The following GASK1A variants were observed in gnomAD, a reference collection of about 807,000 sequenced individuals.
The protein encoded by GASK1A is golgi associated kinase 1A, also known as Golgi-associated kinase 1A.
A neutral mutation model predicts 41.2 loss-of-function variants in GASK1A; 40 were observed. The ratio of observed to expected loss-of-function variants is 0.97; its 90% confidence interval spans 0.75 to 1.27. The LOEUF (loss-of-function observed/expected upper bound fraction) is 1.27, where lower values mean the gene tolerates loss of function less well. Among genes scored for constraint, GASK1A ranks in the 50% most tolerant of loss-of-function variants. The probability of loss-of-function intolerance (pLI) is 0.00; values close to 1 mark genes in which losing one functional copy is unlikely to be tolerated. For missense variants in GASK1A, 678 were observed against 745.1 expected (o/e 0.91, Z 1.05); for synonymous variants, 316 against 307.1 (o/e 1.03, Z -0.30).
intron 1 of GASK1A, among the ~76,000 whole-genome samples, chr3:42,990,781 T>C (rs1002823951): frequency 2.0e-5 from 3 of 152,210 alleles, no homozygotes; most frequent in African/African-American, 7.2e-5. Flanking sequence ...AGGCCAGGTG[T>C]GTTGCTCTGT....
chr3:43,019,757 A>AAC (rs148054172), intron 1 of GASK1A, among the ~76,000 whole-genome samples: 17,596 of 146,502 alleles, frequency 0.12, 1,029 homozygotes, highest in African/African-American at 0.14. Context: ...TTCCGTTTTT[A>AAC]ACACACACAC....
At chr3:42,983,581 C>T (rs899468949) in intron 1 of GASK1A, among the ~76,000 whole-genome samples, 6 of 152,166 alleles carry the variant, frequency 3.9e-5, no homozygotes, top group African/African-American at 7.2e-5. Flanking sequence ...CCCAAACAGC[C>T]GCAGGTCCTT....
At chr3:43,048,218 T>C (rs1342986553) in intron 2 of GASK1A, among the ~76,000 whole-genome samples, 1 of 152,104 alleles carries the variant, frequency 6.6e-6, no homozygotes, top group Non-Finnish European at 1.5e-5. Context: ...TATGATAAGA[T>C]TGGTGAAGAT....
chr3:42,985,521 A>G (rs1355590221), intron 1 of GASK1A, among the ~76,000 whole-genome samples: 3 of 150,574 alleles, frequency 2.0e-5, no homozygotes, highest in Non-Finnish European at 4.4e-5. Context: ...AGGAGTACAC[A>G]GTTTATTGAG....
chr3:43,036,304 T>C (rs2089604008), intron 2 of GASK1A, among the ~76,000 whole-genome samples: 1 of 152,176 alleles, frequency 6.6e-6, no homozygotes, highest in Non-Finnish European at 1.5e-5. Context: ...TTAGAAACCA[T>C]TGGCAAGGCA....
At position 42,995,174 on chromosome 3, in the gene GASK1A, CTA is replaced by C. The variant is rs2089362976; in HGVS notation, c.3+15531_3+15532del. Among the ~76,000 whole-genome samples, 4 of 152,296 alleles carry C rather than the reference CTA, an allele frequency of 2.6e-5. No homozygotes were observed. In the South Asian group the frequency reaches 8.3e-4, roughly 32 times the overall value. The stretch of plus-strand genomic sequence containing the variant: ...CTGGGTGTAACGAAAACAAATCCGC[CTA>C]TGTTTCGTTTCTTCAGGTTTACTTG... On this transcript the variant is annotated intron_variant, in intron 1 of 4. Transcript: ENST00000430121.
At chr3:43,040,619 A>G (rs1367647579) in intron 2 of GASK1A, among the ~76,000 whole-genome samples, 1 of 152,148 alleles carries the variant, frequency 6.6e-6, no homozygotes, top group Non-Finnish European at 1.5e-5. Flanking sequence ...GTTCCTCAGA[A>G]GCATTTTGAT....
chr3:43,001,606 G>A (rs1353694858), intron 1 of GASK1A, among the ~76,000 whole-genome samples: 1 of 152,160 alleles, frequency 6.6e-6, no homozygotes, highest in Admixed American at 6.5e-5. Flanking sequence ...TTCAAAAGAG[G>A]AGAGCTGTAA....
intron 1 of GASK1A, among the ~76,000 whole-genome samples, chr3:42,990,759 A>G (rs1040691297): frequency 6.6e-6 from 1 of 152,124 alleles, no homozygotes; most frequent in Admixed American, 6.5e-5. Flanking sequence ...TGTTCCAGGC[A>G]TGTTGTTCTG....
Position 43,010,633 on chromosome 3 carries a change from T to C in GASK1A, c.4-21634T>C, listed in dbSNP as rs140396688. ...GTTTGACATTCCTTTCTTTCTTGCT[T>C]TAAAAGCTAATATTTTCTAGGTCTT... On this transcript the variant is annotated intron_variant, in intron 1 of 4. Transcript: ENST00000430121. 2.4e-3 allele frequency among the ~76,000 whole-genome samples: 367 copies of C among 152,350 alleles called. 4 individuals carry two copies. The highest frequency in any genetic ancestry group is 7.7e-3 in the African/African-American group (320 of 41,576).
At chr3:42,995,939 C>T (rs2089366838) in intron 1 of GASK1A, among the ~76,000 whole-genome samples, 1 of 152,154 alleles carries the variant, frequency 6.6e-6, no homozygotes, top group Non-Finnish European at 1.5e-5. Flanking sequence ...GAGAAAATTT[C>T]CAACAAATGA....
chr3:43,050,997 T>C (rs1347294233), intron 2 of GASK1A, among the ~76,000 whole-genome samples: 1 of 152,218 alleles, frequency 6.6e-6, no homozygotes, highest in Non-Finnish European at 1.5e-5. Context: ...TTTTATCTAA[T>C]GTCTGGGCTT....
chr3:42,999,797 T>G (rs567496025), intron 1 of GASK1A, among the ~76,000 whole-genome samples: 2 of 152,316 alleles, frequency 1.3e-5, no homozygotes, highest in African/African-American at 2.4e-5. Context: ...AGGGCTGGTT[T>G]TCTTTGGAGG....
chr3:43,051,571 C>T (rs1441639059), intron 2 of GASK1A, among the ~76,000 whole-genome samples: 1 of 152,182 alleles, frequency 6.6e-6, no homozygotes, highest in Non-Finnish European at 1.5e-5. Context: ...CATATTGGAG[C>T]TTTTCACAGC....
intron 1 of GASK1A, among the ~76,000 whole-genome samples, chr3:43,005,324 A>T (rs1559399178): frequency 6.6e-6 from 1 of 152,170 alleles, no homozygotes; most frequent in Non-Finnish European, 1.5e-5. Flanking sequence ...TCAGTTACCC[A>T]AGGTTACCTG....
At chr3:43,002,118 C>T (rs1000339329) in intron 1 of GASK1A, among the ~76,000 whole-genome samples, 3 of 152,156 alleles carry the variant, frequency 2.0e-5, no homozygotes, top group South Asian at 2.1e-4. Context: ...CAGGTAGGTC[C>T]GCATTCAAAC....
At chr3:43,043,231 G>A (rs943774838) in intron 2 of GASK1A, among the ~76,000 whole-genome samples, 5 of 152,126 alleles carry the variant, frequency 3.3e-5, no homozygotes, top group African/African-American at 4.8e-5. Context: ...GTGTCTCTGC[G>A]CTAGGGGCAT....
chr3:43,049,943 A>C, intron 2 of GASK1A, among the ~76,000 whole-genome samples: 1 of 146,296 alleles, frequency 6.8e-6, no homozygotes, highest in Non-Finnish European at 1.5e-5. Flanking sequence ...CTTTTATGCT[A>C]TTCTTGTCAC....
chr3:42,992,984 T>C (rs1358104380), intron 1 of GASK1A, among the ~76,000 whole-genome samples: 1 of 152,232 alleles, frequency 6.6e-6, no homozygotes, highest in Non-Finnish European at 1.5e-5. Context: ...TTCAGCAGTC[T>C]ATGAGTGGTT....
Sources: gnomAD v4.1 joint callset for allele counts (sites outside exome capture counted in the v4.1 genomes callset) on GRCh38, gnomAD v4.1.1 for gene constraint, MANE v1.5 for transcripts, NCBI Gene and HGNC (gene_info 2026-07-23, HGNC 2026-07-21) for gene names.